The following DGKB variants were observed in gnomAD, a reference collection of about 807,000 sequenced individuals.
DGKB encodes 90 kDa diacylglycerol kinase.
A neutral mutation model predicts 114.3 loss-of-function variants in DGKB; 67 were observed. That is an observed-to-expected ratio of 0.59 (90% CI 0.48 to 0.72). DGKB has a LOEUF of 0.72. DGKB is among the 30% of genes least tolerant of loss of function. DGKB has a pLI of 0.00. For synonymous variants in DGKB, 398 were observed against 323.1 expected (o/e 1.23, Z -2.49); for missense variants, 907 against 975.2 (o/e 0.93, Z 0.93).
chr7:14,562,093 T>C (rs1796741667), intron 20 of DGKB, among the ~76,000 whole-genome samples: 1 of 152,190 alleles, frequency 6.6e-6, no homozygotes, highest in African/African-American at 2.4e-5. Flanking sequence ...GGGACCAAGG[T>C]ACAGCTCAGA....
chr7:14,787,092 T>G (rs1238093492), intron 2 of DGKB, among the ~76,000 whole-genome samples: 1 of 152,188 alleles, frequency 6.6e-6, no homozygotes, highest in African/African-American at 2.4e-5. Flanking sequence ...AGAGCTGTAC[T>G]GTCACTCAAT....
intron 23 of DGKB, among the ~76,000 whole-genome samples, chr7:14,197,330 G>A (rs1785169875): frequency 6.6e-6 from 1 of 151,778 alleles, no homozygotes; most frequent in Non-Finnish European, 1.5e-5. Context: ...TATTGGTCTT[G>A]CAGCCCTTCA....
At chr7:14,314,343 G>C (rs1199412672) in intron 23 of DGKB, among the ~76,000 whole-genome samples, 1 of 151,440 alleles carries the variant, frequency 6.6e-6, no homozygotes, top group Non-Finnish European at 1.5e-5. Context: ...TGAGCTACGG[G>C]AGGACATTCA....
chr7:14,630,708 T>A (rs906185842), intron 13 of DGKB, among the ~76,000 whole-genome samples: 14 of 152,086 alleles, frequency 9.2e-5, no homozygotes, highest in Admixed American at 9.2e-4. Context: ...CATTTTGTTT[T>A]GTGATACTCT....
Position 14,414,652 on chromosome 7 carries a change from A to G in DGKB, c.1835+63509T>C, listed in dbSNP as rs567486217. Among the ~76,000 whole-genome samples, 277 of 152,264 alleles carry G rather than the reference A, an allele frequency of 1.8e-3. 3 individuals are homozygous for G. Among genetic ancestry groups the G allele is most frequent in the Middle Eastern group, 6.8e-3 (2 of 294 alleles). On this transcript the variant is annotated intron_variant, in intron 21 of 25. Coordinates refer to ENST00000402815, the MANE Select transcript of DGKB (RefSeq NM_001350709.2). The stretch of plus-strand genomic sequence containing the variant: ...AGAATAGGTATGCTGTAAGAAAAAA[A>G]TATATACATTGAGGTAAACTTAAGT...
At chr7:14,422,299 T>G (rs196758) in intron 21 of DGKB, among the ~76,000 whole-genome samples, 152,046 of 152,160 alleles carry the variant, frequency 1, 75,969 homozygotes, top group Middle Eastern at 1. Context: ...GAGTAAATAC[T>G]TGTTTATTTT....
chr7:14,845,826 AT>A (rs1182500447), intron 1 of DGKB, among the ~76,000 whole-genome samples: 1 of 151,374 alleles, frequency 6.6e-6, no homozygotes, highest in Non-Finnish European at 1.5e-5. Flanking sequence ...CTGAATGGGC[AT>A]TAAAAAAAAA....
intron 6 of DGKB, among the ~76,000 whole-genome samples, chr7:14,716,284 T>A (rs528085416): frequency 1.3e-5 from 2 of 152,236 alleles, no homozygotes; most frequent in Admixed American, 6.5e-5. Flanking sequence ...CATTTTCAGA[T>A]CCCACCCCAG....
chr7:14,607,851 T>C (rs118024816), intron 16 of DGKB, among the ~76,000 whole-genome samples: 4,535 of 149,220 alleles, frequency 0.03, 83 homozygotes, highest in South Asian at 0.055. Flanking sequence ...ATTTTTTTAA[T>C]ATTTCAGTAT....
At chr7:14,675,876 T>C (rs1819766800) in intron 12 of DGKB, among the ~76,000 whole-genome samples, 1 of 152,078 alleles carries the variant, frequency 6.6e-6, no homozygotes, top group Non-Finnish European at 1.5e-5. Flanking sequence ...TATGACGTTG[T>C]TTGTAGCCAA....
intron 2 of DGKB, among the ~76,000 whole-genome samples, chr7:14,771,719 G>C (rs1442563308): frequency 6.6e-6 from 1 of 152,008 alleles, no homozygotes; most frequent in African/African-American, 2.4e-5. Flanking sequence ...ATATTTCCCT[G>C]CCATACCTTG....
intron 23 of DGKB, among the ~76,000 whole-genome samples, chr7:14,307,342 T>C (rs1804653266): frequency 6.6e-6 from 1 of 152,180 alleles, no homozygotes; most frequent in African/African-American, 2.4e-5. Context: ...TTAAAGTCTT[T>C]CATAGAAAAG....
chr7:14,837,603 C>T (rs868807100), intron 2 of DGKB, among the ~76,000 whole-genome samples: 33 of 152,100 alleles, frequency 2.2e-4, no homozygotes, highest in Non-Finnish European at 3.4e-4. Context: ...TTAAAAGATA[C>T]AAATCAAACT....
intron 2 of DGKB, among the ~76,000 whole-genome samples, chr7:14,780,631 A>T (rs1443346740): frequency 6.6e-6 from 1 of 151,318 alleles, no homozygotes; most frequent in Non-Finnish European, 1.5e-5. Context: ...TGTTCCACAG[A>T]TTTTTTTTTC....
chr7:14,474,383 G>A (rs567927677), intron 21 of DGKB, among the ~76,000 whole-genome samples: 2 of 152,276 alleles, frequency 1.3e-5, no homozygotes, highest in African/African-American at 4.8e-5. Flanking sequence ...GGAACTGTAA[G>A]TCCAATAAAC....
chr7:14,736,153 G>A lies in DGKB; in HGVS notation c.210C>T (p.Phe70=), dbSNP rs1183669509. The change falls in exon 5 of 26, where the codon TTC becomes TTT. Residue 70 remains phenylalanine, a synonymous_variant. Coordinates refer to ENST00000402815, the MANE Select transcript of DGKB (RefSeq NM_001350709.2). The stretch of plus-strand genomic sequence containing the variant: ...AATCATCAGGAAGCTCGGCTTCCAG[G>A]AATGTCTTCATGAATAGTTTGAAAC... The part of the protein sequence containing the change: ...FEGFKLFMKT[F]LEAELPDDFT... The A allele has an allele frequency of 6.2e-7, 1 of 1,606,314 alleles. No homozygotes were observed. Among genetic ancestry groups the A allele is most frequent in the South Asian group, 1.1e-5 (1 of 90,128 alleles).
chr7:14,693,935 G>C (rs1225914505), intron 9 of DGKB, 140 bp downstream of exon 9: 1 of 866,440 alleles, frequency 1.2e-6, no homozygotes, highest in African/African-American at 1.7e-5. Flanking sequence ...AAATTGCACC[G>C]TGGCATACTT....
In DGKB at chr7:14,272,786, C is replaced by T. The variant is rs563325515; in HGVS notation, c.2122+65729G>A. On this transcript the variant is annotated intron_variant, in intron 23 of 25. Transcript: ENST00000402815. ...TTAACTATTTAGCAATTTCACTTATCTTGCAGAAATGGCTGTTGCCCTACC... is the reference window on the plus strand; with the variant it reads ...TTAACTATTTAGCAATTTCACTTATTTTGCAGAAATGGCTGTTGCCCTACC... Among the ~76,000 whole-genome samples, 21 of 152,250 alleles carry T rather than the reference C, an allele frequency of 1.4e-4. 1 individual carries two copies. In the South Asian group the frequency reaches 2.3e-3, roughly 17 times the overall value.
At chr7:14,841,086 G>T (rs187611867) in intron 2 of DGKB, 108 bp downstream of exon 2, 2 of 969,502 alleles carry the variant, frequency 2.1e-6, no homozygotes, top group Non-Finnish European at 3.0e-6. Context: ...AGGCAGAGCT[G>T]GATCTATCCC....
Sources: gnomAD v4.1 joint callset for allele counts (sites outside exome capture counted in the v4.1 genomes callset) on GRCh38, gnomAD v4.1.1 for gene constraint, MANE v1.5 for transcripts, NCBI Gene and HGNC (gene_info 2026-07-23, HGNC 2026-07-21) for gene names.